Variants in CKAP5 observed in about 807,000 individuals in gnomAD.
CKAP5 encodes the protein cytoskeleton associated protein 5, also known as cytoskeleton-associated protein 5.
In CKAP5, 27 loss-of-function variants were observed where a neutral mutation model predicts 232.8. The ratio of observed to expected loss-of-function variants is 0.12; its 90% CI spans 0.09 to 0.16. The LOEUF is 0.16. CKAP5 is among the 10% of genes least tolerant of loss of function. CKAP5 has a pLI of 1.00. For missense variants in CKAP5, 1,838 were observed against 2,424.7 expected (o/e 0.76, Z 5.08); for synonymous variants, 785 against 841.1 (o/e 0.93, Z 1.16).
At chr11:46,766,908 G>A (rs1434962118) in intron 27 of CKAP5, among the ~76,000 whole-genome samples, 1 of 152,104 alleles carries the variant, frequency 6.6e-6, no homozygotes, top group Non-Finnish European at 1.5e-5. Flanking sequence ...CAGACTAACC[G>A]AAACATCTTC....
Position 46,821,260 on chromosome 11 carries a change from G to C in CKAP5, c.-29C>G. On this transcript the variant is annotated 5_prime_UTR_variant, in exon 2 of 44. Transcript: ENST00000529230. ...GCTTCCAGGTTTTCCTTAGAATTAA[G>C]AGTATTTCCTGGTCAGATAAAGGTA... 1 of 1,567,714 alleles carries C rather than the reference G, an allele frequency of 6.4e-7. No individual in the cohort carries two copies. Among genetic ancestry groups the C allele is most frequent in the Non-Finnish European group, 8.8e-7 (1 of 1,138,700 alleles).
intron 3 of CKAP5, 62 bp downstream of exon 3, chr11:46,818,248 A>G: frequency 1.5e-6 from 2 of 1,314,856 alleles, no homozygotes; most frequent in South Asian, 3.1e-5. Context: ...TGATCTACAA[A>G]CATACATTAT....
At chr11:46,812,285 C>T (rs974515811) in intron 4 of CKAP5, among the ~76,000 whole-genome samples, 16 of 151,874 alleles carry the variant, frequency 1.1e-4, no homozygotes, top group African/African-American at 3.6e-4. Flanking sequence ...GAGCCGAGAT[C>T]GCGCCACTGC....
intron 33 of CKAP5, among the ~76,000 whole-genome samples, chr11:46,759,976 A>C (rs1331616885): frequency 3.9e-5 from 6 of 152,220 alleles, no homozygotes. Context: ...ACATCCAAGA[A>C]ATAGGGATTC....
At chr11:46,823,988 G>A (rs1156607766) in intron 1 of CKAP5, among the ~76,000 whole-genome samples, 2 of 152,158 alleles carry the variant, frequency 1.3e-5, no homozygotes, top group Non-Finnish European at 2.9e-5. Context: ...ATGGTGCAAA[G>A]TACTTTTTAA....
rs530815952 is a variant in CKAP5 at position 46,788,210 on chromosome 11, T to TCAC, written c.1968+468_1968+470dup. ...ACTGCACAAGGGGTAGTACCCCTAA[T>TCAC]CACCACATTGTTCAAGAGTCAACTG... is the stretch of plus-strand genomic sequence containing the variant. On this transcript the variant is annotated intron_variant, in intron 16 of 43. Coordinates refer to ENST00000529230, the MANE Select transcript of CKAP5 (RefSeq NM_001008938.4). 1.0e-4 allele frequency among the ~76,000 whole-genome samples: 16 copies of TCAC among 152,382 alleles called. No individual in the cohort carries two copies. The East Asian group carries it at 1.5e-3, about 15-fold the overall frequency.
At chr11:46,794,374 G>A (rs1938817042) in intron 13 of CKAP5, among the ~76,000 whole-genome samples, 1 of 152,172 alleles carries the variant, frequency 6.6e-6, no homozygotes, top group African/African-American at 2.4e-5. Flanking sequence ...TGAGGTGGGA[G>A]GATTGCTTGA....
chr11:46,772,217 T>C (rs2065253896), intron 24 of CKAP5, among the ~76,000 whole-genome samples: 1 of 152,108 alleles, frequency 6.6e-6, no homozygotes, highest in African/African-American at 2.4e-5. Flanking sequence ...TAGTCCTTTA[T>C]TGGATACTGG....
Position 46,786,038 on chromosome 11 carries a change from A to G in CKAP5, c.1969-1365T>C, listed in dbSNP as rs559072386. On this transcript the variant is annotated intron_variant, in intron 16 of 43. Coordinates refer to ENST00000529230, the MANE Select transcript of CKAP5 (RefSeq NM_001008938.4). ...TCCCAAACCAAAAAACAAACCAAAGAAATGTAATTATCTTGGGTGGGACTT... is the reference window on the plus strand; with the variant it reads ...TCCCAAACCAAAAAACAAACCAAAGGAATGTAATTATCTTGGGTGGGACTT... Among the ~76,000 whole-genome samples the G allele has an allele frequency of 2.3e-3, 343 of 152,330 alleles. 1 individual carries two copies. The highest frequency in any genetic ancestry group is 3.3e-3 in the Non-Finnish European group (226 of 68,030).
chr11:46,818,697 T>G (rs1409766383), intron 2 of CKAP5, among the ~76,000 whole-genome samples, 194 bp from the exon 3 acceptor site: 1 of 152,148 alleles, frequency 6.6e-6, no homozygotes. Flanking sequence ...GCTAATAAAC[T>G]TCTTACAAGT....
intron 3 of CKAP5, among the ~76,000 whole-genome samples, chr11:46,816,671 G>A (rs1482303650): frequency 2.0e-5 from 3 of 151,872 alleles, no homozygotes; most frequent in African/African-American, 7.3e-5. Context: ...ACCACCCAGA[G>A]AAAACTACTT....
chr11:46,787,393 A>C (rs1292478643), intron 16 of CKAP5, among the ~76,000 whole-genome samples: 2 of 152,224 alleles, frequency 1.3e-5, no homozygotes, highest in East Asian at 3.8e-4. Context: ...AAGTTTGTTT[A>C]GCATGAGGTC....
At chr11:46,815,000 A>G (rs753678713) in intron 4 of CKAP5, among the ~76,000 whole-genome samples, 1 of 152,174 alleles carries the variant, frequency 6.6e-6, no homozygotes, top group Non-Finnish European at 1.5e-5. Flanking sequence ...ACAAAAGGCC[A>G]GTACTTTTCT....
At chr11:46,769,507 G>T (rs1389140937) in intron 26 of CKAP5, among the ~76,000 whole-genome samples, 1 of 151,970 alleles carries the variant, frequency 6.6e-6, no homozygotes, top group African/African-American at 2.4e-5. Flanking sequence ...ACCAACCTGC[G>T]CATCACAACA....
At chr11:46,842,915 C>T (rs528835785) in intron 1 of CKAP5, among the ~76,000 whole-genome samples, 292 of 140,938 alleles carry the variant, frequency 2.1e-3, no homozygotes, top group Non-Finnish European at 3.3e-3. Context: ...TGCAGTGAGC[C>T]GAGATCGCGC....
chr11:46,759,568 T>C lies in CKAP5; in HGVS notation c.4395-126A>G, dbSNP rs957664181. On this transcript the variant is annotated intron_variant, in intron 33 of 43. Transcript: ENST00000529230. ...AACTTCTGGTTTCAGCCCCCCTGAATGATTTAAGTCCCTGAGTCTAAGCAA... is the reference window on the plus strand; with the variant it reads ...AACTTCTGGTTTCAGCCCCCCTGAACGATTTAAGTCCCTGAGTCTAAGCAA... 6 of 905,086 alleles carry C rather than the reference T, an allele frequency of 6.6e-6. No individual in the cohort carries two copies. In the East Asian group the frequency reaches 1.6e-4, roughly 24 times the overall value. The allele number at this position is 905,086 out of a possible 1,614,324, so 56.1% of individuals were successfully genotyped here. A position where few individuals can be genotyped will look rare whatever the true frequency, so the allele number is the denominator to read the frequency against.
chr11:46,779,937 T>C (rs1270421618), intron 20 of CKAP5, among the ~76,000 whole-genome samples: 2 of 152,180 alleles, frequency 1.3e-5, no homozygotes, highest in Non-Finnish European at 2.9e-5. Context: ...GCTCTGTTTC[T>C]GATCTGGGCC....
At chr11:46,834,985 T>C (rs10838622) in intron 1 of CKAP5, among the ~76,000 whole-genome samples, 77,078 of 147,746 alleles carry the variant, frequency 0.52, 22,913 homozygotes, top group South Asian at 0.68. Context: ...TTTTTTTTTT[T>C]CCTAGATATG....
chr11:46,807,249 A>T (rs4294527), intron 8 of CKAP5, among the ~76,000 whole-genome samples: 97,855 of 152,040 alleles, frequency 0.64, 33,195 homozygotes, highest in Non-Finnish European at 0.77. Flanking sequence ...TATTTCTCTT[A>T]GAAGCAATGA....
Sources: gnomAD v4.1 joint callset for allele counts (sites outside exome capture counted in the v4.1 genomes callset) on GRCh38, gnomAD v4.1.1 for gene constraint, MANE v1.5 for transcripts, NCBI Gene and HGNC (gene_info 2026-07-23, HGNC 2026-07-21) for gene names.